TMEM135: variants seen among roughly 807,000 people sequenced by gnomAD.
TMEM135 encodes peroxisomal membrane protein 52.
Under a neutral mutation model 60.3 loss-of-function variants are expected in TMEM135, and 30 were observed. The observed-to-expected ratio is 0.50, with a 90% CI of 0.37 to 0.68. TMEM135 has a LOEUF of 0.68. Among genes scored for constraint, TMEM135 ranks in the 30% least tolerant of loss-of-function variants. The pLI is 0.00. For synonymous variants in TMEM135, 190 were observed against 186.7 expected (o/e 1.02, Z -0.14); for missense variants, 468 against 548.8 (o/e 0.85, Z 1.47).
At chr11:87,286,523 C>G (rs567895046) in intron 6 of TMEM135, among the ~76,000 whole-genome samples, 1 of 152,382 alleles carries the variant, frequency 6.6e-6, no homozygotes, top group Non-Finnish European at 1.5e-5. Flanking sequence ...CGCGCCTGCA[C>G]TACTCAGCCC....
At chr11:87,269,548 A>G (rs1451741179) in intron 6 of TMEM135, among the ~76,000 whole-genome samples, 1 of 144,522 alleles carries the variant, frequency 6.9e-6, no homozygotes, top group Admixed American at 7.0e-5. Flanking sequence ...TCCTGTGTCC[A>G]TGTGTTCTCA....
At chr11:87,046,387 A>G (rs1949796605) in intron 1 of TMEM135, among the ~76,000 whole-genome samples, 1 of 152,228 alleles carries the variant, frequency 6.6e-6, no homozygotes, top group African/African-American at 2.4e-5. Flanking sequence ...TCAAAAAACA[A>G]ACAAACAAAC....
intron 8 of TMEM135, among the ~76,000 whole-genome samples, chr11:87,304,197 C>A (rs1182689536): frequency 6.6e-6 from 1 of 151,996 alleles, no homozygotes; most frequent in South Asian, 2.1e-4. Context: ...ATAGCAAGAC[C>A]CTGCCTCTAA....
chr11:87,236,790 C>A, intron 6 of TMEM135, 106 bp downstream of exon 6: 3 of 1,105,864 alleles, frequency 2.7e-6, no homozygotes, highest in Non-Finnish European at 4.1e-6. Context: ...CCCTTACAAG[C>A]AGCATACTCC....
intron 7 of TMEM135, among the ~76,000 whole-genome samples, chr11:87,301,793 T>G (rs1254875118): frequency 6.6e-6 from 1 of 152,210 alleles, no homozygotes; most frequent in Non-Finnish European, 1.5e-5. Context: ...TATAATCTAG[T>G]TTTGTTGAAA....
rs567014261 is a variant in TMEM135, at chr11:87,275,895, C to T, written c.510-19887C>T. 2.0e-5 allele frequency among the ~76,000 whole-genome samples: 3 copies of T among 152,190 alleles called. 1 individual carries two copies. The highest frequency in any genetic ancestry group is 2.0e-4 in the Admixed American group (3 of 15,282). ...CAGGCTGGTCTTGAACTCCTGACCT[C>T]AGGTGATCCGCCCGTCTAGGCCTCC... On this transcript the variant is annotated intron_variant, in intron 6 of 14. Coordinates refer to ENST00000305494, the MANE Select transcript of TMEM135 (RefSeq NM_022918.4).
chr11:87,292,052 C>A (rs1459281129), intron 6 of TMEM135, among the ~76,000 whole-genome samples: 4 of 152,150 alleles, frequency 2.6e-5, no homozygotes, highest in Non-Finnish European at 5.9e-5. Context: ...ACATGCCAAG[C>A]TGACTCTGTA....
At chr11:87,264,496 T>C (rs369565072) in intron 6 of TMEM135, among the ~76,000 whole-genome samples, 50 of 152,054 alleles carry the variant, frequency 3.3e-4, no homozygotes, top group Middle Eastern at 3.4e-3. Flanking sequence ...TGATAGTTTC[T>C]TTTTAGTAGG....
chr11:87,233,209 G>GA (rs199538750), intron 5 of TMEM135, among the ~76,000 whole-genome samples: 318 of 151,748 alleles, frequency 2.1e-3, no homozygotes, highest in Middle Eastern at 0.017. Flanking sequence ...AAAAGGAGGG[G>GA]AAAAAACAGT....
chr11:87,119,666 A>C (rs548884710), intron 4 of TMEM135, among the ~76,000 whole-genome samples: 71 of 152,374 alleles, frequency 4.7e-4, no homozygotes, highest in African/African-American at 1.7e-3. Flanking sequence ...GTGCCACTGC[A>C]CTCCAGCCTG....
At chr11:87,314,437 G>T (rs370827021) in intron 11 of TMEM135, 34 bp from the exon 12 acceptor site, 2 of 1,536,976 alleles carry the variant, frequency 1.3e-6, no homozygotes, top group South Asian at 1.1e-5. Flanking sequence ...AATACTCTGC[G>T]ATCTTATCAG....
At chr11:87,055,319 C>A (rs1234020379) in intron 1 of TMEM135, among the ~76,000 whole-genome samples, 1 of 152,154 alleles carries the variant, frequency 6.6e-6, no homozygotes, top group Non-Finnish European at 1.5e-5. Flanking sequence ...GACAATTTCA[C>A]AAATCCAATA....
At chr11:87,195,194 T>A (rs982730906) in intron 5 of TMEM135, among the ~76,000 whole-genome samples, 3 of 152,190 alleles carry the variant, frequency 2.0e-5, no homozygotes, top group African/African-American at 2.4e-5. Flanking sequence ...ATTTATTTAC[T>A]GTCAAATGTC....
At chr11:87,198,766 A>G (rs1940025772) in intron 5 of TMEM135, among the ~76,000 whole-genome samples, 1 of 151,774 alleles carries the variant, frequency 6.6e-6, no homozygotes, top group Non-Finnish European at 1.5e-5. Flanking sequence ...TAAAGGCACT[A>G]TACCAGGTGT....
intron 6 of TMEM135, among the ~76,000 whole-genome samples, chr11:87,260,940 G>A (rs1003296918): frequency 2.0e-5 from 3 of 152,114 alleles, no homozygotes; most frequent in African/African-American, 4.8e-5. Flanking sequence ...TCTCCCAGGC[G>A]ATGCTAGTTC....
chr11:87,260,487 C>G (rs7935859), intron 6 of TMEM135, among the ~76,000 whole-genome samples: 1 of 152,052 alleles, frequency 6.6e-6, no homozygotes, highest in Non-Finnish European at 1.5e-5. Context: ...GCTAAGAAGT[C>G]TATAATCATT....
chr11:87,061,691 A>G (rs1267613882), intron 1 of TMEM135, among the ~76,000 whole-genome samples: 2 of 152,204 alleles, frequency 1.3e-5, no homozygotes, highest in Non-Finnish European at 2.9e-5. Flanking sequence ...GCTTTATTCC[A>G]TGGCCGTAAA....
chr11:87,287,804 A>G (rs1357570101), intron 6 of TMEM135, among the ~76,000 whole-genome samples: 1 of 152,148 alleles, frequency 6.6e-6, no homozygotes, highest in African/African-American at 2.4e-5. Flanking sequence ...TTTATTTCAG[A>G]TAGTTGTTTT....
At position 87,120,113 on chromosome 11, in the gene TMEM135, CTTCTTT is replaced by C. The variant is rs1565449195; in HGVS notation, c.396+28721_396+28726del. Among the ~76,000 whole-genome samples, 6 of 135,024 alleles carry C rather than the reference CTTCTTT, an allele frequency of 4.4e-5. No individual in the cohort carries two copies. The East Asian group carries it at 8.9e-4, about 20-fold the overall frequency. The allele number at this position is 135,024 out of a possible 152,430, so 88.6% of individuals were successfully genotyped here. On this transcript the variant is annotated intron_variant, in intron 4 of 14. Transcript: ENST00000305494. ...CTTATTAGTCTGTTTTTTTCTTCTT[CTTCTTT>C]TTTTTTTTTTTTTGAGACAGTCTCA...
Sources: allele counts gnomAD v4.1 joint callset (sites outside exome capture counted in the v4.1 genomes callset), GRCh38; gene constraint gnomAD v4.1.1; transcripts MANE v1.5; gene names NCBI Gene and HGNC (gene_info 2026-07-23, HGNC 2026-07-21).